CLSTN1: variants seen among roughly 807,000 people sequenced by gnomAD.
The protein encoded by CLSTN1 is calsyntenin-1.
In CLSTN1, 28 loss-of-function variants were observed where a neutral mutation model predicts 108.3. The observed-to-expected ratio is 0.26, with a 90% confidence interval of 0.19 to 0.35. CLSTN1 has a LOEUF of 0.35. Among genes scored for constraint, CLSTN1 ranks in the 10% least tolerant of loss-of-function variants. The pLI, the probability that CLSTN1 is intolerant of heterozygous loss-of-function variation, is 1.00. For missense variants in CLSTN1, 1,157 were observed against 1,302.6 expected (o/e 0.89, Z 1.72); for synonymous variants, 524 against 534.9 (o/e 0.98, Z 0.28).
intron 1 of CLSTN1, among the ~76,000 whole-genome samples, chr1:9,787,032 G>C (rs1480164920): frequency 6.6e-6 from 1 of 151,394 alleles, no homozygotes. Flanking sequence ...AGTTGGGGGT[G>C]AAGAGGTGGC....
intron 11 of CLSTN1, among the ~76,000 whole-genome samples, chr1:9,736,440 C>G (rs1198197793): frequency 6.6e-6 from 1 of 152,164 alleles, no homozygotes; most frequent in African/African-American, 2.4e-5. Flanking sequence ...TTTTCTCTAC[C>G]TGGCACGCCC....
intron 2 of CLSTN1, among the ~76,000 whole-genome samples, chr1:9,772,995 G>A (rs1027961517): frequency 5.9e-5 from 9 of 152,158 alleles, no homozygotes; most frequent in African/African-American, 2.2e-4. Context: ...CCTAGAGCCA[G>A]GGATGCACTG....
chr1:9,744,287 C>T, intron 8 of CLSTN1, 108 bp downstream of exon 8: 5 of 1,463,062 alleles, frequency 3.4e-6, no homozygotes, highest in Admixed American at 4.2e-5. Flanking sequence ...ACATGGCCTA[C>T]GAGCACCAGG....
chr1:9,732,221 T>C (rs920754689), intron 16 of CLSTN1, among the ~76,000 whole-genome samples: 2 of 152,190 alleles, frequency 1.3e-5, no homozygotes, highest in African/African-American at 4.8e-5. Flanking sequence ...TGGGTCTTGC[T>C]GTGTTGCCCG....
At chr1:9,753,856 A>AC (rs539826478) in intron 4 of CLSTN1, among the ~76,000 whole-genome samples, 26 of 151,942 alleles carry the variant, frequency 1.7e-4, no homozygotes, top group Admixed American at 1.7e-3. Flanking sequence ...TCTGACACTC[A>AC]GACTGGAGTA....
At chr1:9,805,866 C>CAAAAA (rs56899514) in intron 1 of CLSTN1, among the ~76,000 whole-genome samples, 1 of 74,866 alleles carries the variant, frequency 1.3e-5, no homozygotes, top group Non-Finnish European at 3.0e-5. Flanking sequence ...GACTCTGTCT[C>CAAAAA]AAAAAAAAAA....
intron 1 of CLSTN1, among the ~76,000 whole-genome samples, chr1:9,800,128 GAA>G (rs1054994256): frequency 1.5e-4 from 23 of 152,096 alleles, no homozygotes; most frequent in African/African-American, 5.3e-4. Context: ...TAGAAAAAAA[GAA>G]AGAGCTAAAA....
chr1:9,803,811 T>A (rs1654389062), intron 1 of CLSTN1, among the ~76,000 whole-genome samples: 2 of 151,864 alleles, frequency 1.3e-5, no homozygotes, highest in South Asian at 4.2e-4. Context: ...TAAAAAAAAT[T>A]AAATAAAATT....
At chr1:9,777,785 T>C (rs937093285) in intron 1 of CLSTN1, among the ~76,000 whole-genome samples, 4 of 152,110 alleles carry the variant, frequency 2.6e-5, no homozygotes, top group Non-Finnish European at 5.9e-5. Context: ...ACATAGTCTC[T>C]AGAAAATGCC....
intron 16 of CLSTN1, among the ~76,000 whole-genome samples, chr1:9,732,695 C>G: frequency 6.6e-6 from 1 of 152,256 alleles, no homozygotes; most frequent in East Asian, 1.9e-4. Context: ...TGTAGACGAC[C>G]TCAGAGCAGG....
At chr1:9,783,140 C>T (rs1156977538) in intron 1 of CLSTN1, among the ~76,000 whole-genome samples, 1 of 152,252 alleles carries the variant, frequency 6.6e-6, no homozygotes, top group African/African-American at 2.4e-5. Context: ...CAACCCAGTA[C>T]ACGAACAGTT....
rs1420634872 is a variant in CLSTN1, at chr1:9,744,556, T to C, written c.1073A>G (p.Asp358Gly). 1 of 1,613,528 alleles carries C rather than the reference T, an allele frequency of 6.2e-7. No homozygotes were observed. Among genetic ancestry groups the C allele is most frequent in the Non-Finnish European group, 8.5e-7 (1 of 1,179,968 alleles). ...GTTGAACTCAAACACCTGGTCGCTG[T>C]CGTGGCCATTGTCGGTGGGCAGGCC... ...TMGLPTDNGH[D>G]SDQVFEFNGT... The change falls in exon 8 of 19, where the codon GAC becomes GGC. Residue 358 changes from aspartate to glycine, a missense_variant. Transcript: ENST00000377298.
chr1:9,814,529 TTAAA>T (rs1202923095), intron 1 of CLSTN1, among the ~76,000 whole-genome samples: 2 of 152,244 alleles, frequency 1.3e-5, no homozygotes, highest in East Asian at 1.9e-4. Flanking sequence ...TGAGGAATAG[TTAAA>T]TAAAATCAAA....
At chr1:9,806,032 G>A (rs914852447) in intron 1 of CLSTN1, among the ~76,000 whole-genome samples, 1 of 152,100 alleles carries the variant, frequency 6.6e-6, no homozygotes, top group African/African-American at 2.4e-5. Flanking sequence ...GCTCAAGCCT[G>A]TAATCTTAAC....
At chr1:9,764,636 T>TAA (rs1652236405) in intron 2 of CLSTN1, among the ~76,000 whole-genome samples, 4 of 103,950 alleles carry the variant, frequency 3.8e-5, no homozygotes, top group Non-Finnish European at 7.6e-5. Context: ...GGCTCCATCT[T>TAA]TAAAAAAAAA....
intron 9 of CLSTN1, among the ~76,000 whole-genome samples, chr1:9,743,668 TC>T (rs1651092193): frequency 6.6e-6 from 1 of 150,886 alleles, no homozygotes; most frequent in Non-Finnish European, 1.5e-5. Context: ...CCACCTCAGC[TC>T]CCCAAGTAGC....
chr1:9,785,477 C>G (rs1394862314), intron 1 of CLSTN1, among the ~76,000 whole-genome samples: 1 of 152,138 alleles, frequency 6.6e-6, no homozygotes, highest in African/African-American at 2.4e-5. Flanking sequence ...TTATTTAGAT[C>G]AGGGTTTCTC....
At position 9,751,544 on chromosome 1, in the gene CLSTN1, G is replaced by A; in HGVS notation, c.578C>T (p.Ser193Phe). ...GCTGCAAATCTGGCTGAACTGAGGG[G>A]AGCAGTCGGCATCCACGGCCTCCAC... The part of the protein sequence containing the change: ...LRVEAVDADC[S>F]PQFSQICSYE... The change falls in exon 5 of 19, where the codon TCC becomes TTC. Residue 193 changes from serine (S) to phenylalanine (F), a missense_variant. Coordinates refer to ENST00000377298, the MANE Select transcript of CLSTN1 (RefSeq NM_001009566.3). The A allele has an allele frequency of 6.2e-7, 1 of 1,614,148 alleles. No individual in the cohort carries two copies. The highest frequency in any genetic ancestry group is 2.2e-5 in the East Asian group (1 of 44,878).
chr1:9,791,478 C>T (rs955909818), intron 1 of CLSTN1, among the ~76,000 whole-genome samples: 2 of 151,538 alleles, frequency 1.3e-5, no homozygotes, highest in Non-Finnish European at 2.9e-5. Flanking sequence ...AAGCAATCCC[C>T]CTGCCTTGGC....
Sources: gnomAD v4.1 joint callset for allele counts (sites outside exome capture counted in the v4.1 genomes callset) on GRCh38, gnomAD v4.1.1 for gene constraint, MANE v1.5 for transcripts, NCBI Gene and HGNC (gene_info 2026-07-23, HGNC 2026-07-21) for gene names.